HDAC9: variants seen among roughly 807,000 people sequenced by gnomAD.
HDAC9 encodes the protein histone deacetylase 9.
In HDAC9, 41 loss-of-function variants were observed where a neutral mutation model predicts 139.4. The observed-to-expected ratio is 0.29, with a 90% CI of 0.23 to 0.38. HDAC9 has a LOEUF of 0.38. HDAC9 is among the 10% of genes least tolerant of loss of function. The pLI is 1.00. For missense variants in HDAC9, 1,147 were observed against 1,297.0 expected, an observed-to-expected ratio of 0.88 and a Z score of 1.78; for synonymous variants, 517 against 476.2, an observed-to-expected ratio of 1.09 and a Z score of -1.12.
intron 1 of HDAC9, among the ~76,000 whole-genome samples, chr7:18,347,557 C>G (rs1187202579): frequency 6.6e-6 from 1 of 152,068 alleles, no homozygotes; most frequent in Non-Finnish European, 1.5e-5. Flanking sequence ...GATCTTAGAC[C>G]AAGTTGATAA....
intron 22 of HDAC9, among the ~76,000 whole-genome samples, chr7:18,904,716 C>T (rs571426610): frequency 6.6e-6 from 1 of 150,926 alleles, no homozygotes; most frequent in African/African-American, 2.4e-5. Context: ...GCTGGGACTA[C>T]AGGCAACCGC....
At chr7:18,229,288 C>T (rs953380557) in intron 2 of HDAC9, among the ~76,000 whole-genome samples, 1 of 152,158 alleles carries the variant, frequency 6.6e-6, no homozygotes, top group Non-Finnish European at 1.5e-5. Flanking sequence ...GGTGTGGTAA[C>T]GATCCATTTA....
chr7:18,401,682 T>G (rs1787556997), intron 1 of HDAC9, among the ~76,000 whole-genome samples: 1 of 152,200 alleles, frequency 6.6e-6, no homozygotes, highest in Non-Finnish European at 1.5e-5. Flanking sequence ...CTTAAATGCA[T>G]GAGCTTTCAA....
chr7:18,207,653 TAC>T (rs575317080), intron 2 of HDAC9, among the ~76,000 whole-genome samples: 100 of 149,626 alleles, frequency 6.7e-4, no homozygotes, highest in African/African-American at 1.6e-3. Flanking sequence ...TGTGCATGCA[TAC>T]ACACACACAC....
chr7:18,585,546 G>A (rs1458832854), intron 3 of HDAC9, 24 bp downstream of exon 3: 1 of 1,609,972 alleles, frequency 6.2e-7, no homozygotes, highest in Middle Eastern at 1.7e-4. Context: ...CTTTGTCTGT[G>A]ACCTTACTCA....
At chr7:18,455,319 C>T (rs115361436) in intron 1 of HDAC9, among the ~76,000 whole-genome samples, 2 of 151,896 alleles carry the variant, frequency 1.3e-5, no homozygotes, top group Admixed American at 6.6e-5. Flanking sequence ...ATCCTGTAAA[C>T]CTTTTACTGG....
chr7:18,954,943 G>A (rs907461290), intron 24 of HDAC9, among the ~76,000 whole-genome samples: 2 of 152,094 alleles, frequency 1.3e-5, no homozygotes, highest in Admixed American at 1.3e-4. Flanking sequence ...TTGTTCAGTA[G>A]CAATTTGGAG....
At chr7:18,351,853 C>T (rs1370628555) in intron 1 of HDAC9, among the ~76,000 whole-genome samples, 2 of 152,128 alleles carry the variant, frequency 1.3e-5, no homozygotes, top group Non-Finnish European at 1.5e-5. Flanking sequence ...CAGGTTATTA[C>T]AATTTTATCA....
At chr7:18,879,907 A>C (rs563398934) in intron 22 of HDAC9, among the ~76,000 whole-genome samples, 19 of 152,272 alleles carry the variant, frequency 1.2e-4, no homozygotes, top group Non-Finnish European at 2.1e-4. Flanking sequence ...TTTGCAAACT[A>C]TGCATCTGAC....
At chr7:18,257,094 G>C (rs1795298913) in intron 2 of HDAC9, among the ~76,000 whole-genome samples, 1 of 144,584 alleles carries the variant, frequency 6.9e-6, no homozygotes, top group East Asian at 2.1e-4. Context: ...GTCTCAAATT[G>C]TGTATGTGTG....
intron 22 of HDAC9, among the ~76,000 whole-genome samples, chr7:18,924,079 T>C (rs1182249331): frequency 4.0e-5 from 6 of 151,742 alleles, no homozygotes. Flanking sequence ...TGGCCATGTT[T>C]GTACTGCGGA....
chr7:18,240,178 C>A (rs1794097207), intron 2 of HDAC9, among the ~76,000 whole-genome samples: 1 of 152,124 alleles, frequency 6.6e-6, no homozygotes, highest in African/African-American at 2.4e-5. Flanking sequence ...AGATTTATAA[C>A]TGCAAATACT....
intron 13 of HDAC9, among the ~76,000 whole-genome samples, chr7:18,736,592 T>C (rs545276337): frequency 6.6e-6 from 1 of 152,226 alleles, no homozygotes; most frequent in African/African-American, 2.4e-5. Flanking sequence ...GCTGACTTGA[T>C]CGTGGTGGAT....
At chr7:18,460,253 G>T (rs76187973) in intron 1 of HDAC9, among the ~76,000 whole-genome samples, 2 of 152,046 alleles carry the variant, frequency 1.3e-5, no homozygotes, top group Non-Finnish European at 2.9e-5. Flanking sequence ...TCACCATACT[G>T]ATGATAATTT....
rs1786460886 is a variant in HDAC9 at position 18,996,319 on chromosome 7, T to C, written c.*257T>C. 2.5e-6 allele frequency: 1 copy of C among 392,734 alleles called. No individual in the cohort carries two copies. Among genetic ancestry groups the C allele is most frequent in the East Asian group, 5.1e-5 (1 of 19,682 alleles). The allele number at this position is 392,734 out of a possible 1,614,324, so 24.3% of individuals were successfully genotyped here. A position where few individuals can be genotyped will look rare whatever the true frequency, so the allele number is the denominator to read the frequency against. ...CGATTGGAAGAAACTGCTTCCAGCA[T>C]GCTTTTAATATGCTGGGTGACCCAC... On this transcript the variant is annotated 3_prime_UTR_variant, in exon 26 of 26. Coordinates refer to ENST00000686413, the MANE Select transcript of HDAC9 (RefSeq NM_178425.4).
chr7:18,333,267 AAAT>A (rs948791824), intron 1 of HDAC9, among the ~76,000 whole-genome samples: 3 of 151,484 alleles, frequency 2.0e-5, no homozygotes, highest in Non-Finnish European at 4.4e-5. Flanking sequence ...TGGAGAGAGG[AAAT>A]GGGGAGATTT....
At chr7:18,570,234 A>G (rs1823823640) in intron 2 of HDAC9, among the ~76,000 whole-genome samples, 1 of 152,196 alleles carries the variant, frequency 6.6e-6, no homozygotes, top group South Asian at 2.1e-4. Flanking sequence ...AGAATTTTGT[A>G]TAGCTAAAAG....
intron 1 of HDAC9, among the ~76,000 whole-genome samples, chr7:18,126,216 T>A (rs1435472750): frequency 3.3e-5 from 5 of 152,232 alleles, no homozygotes; most frequent in Non-Finnish European, 7.3e-5. Flanking sequence ...ACATTTAGCA[T>A]TCTTATAGCC....
At chr7:18,196,679 A>G (rs1297997187) in intron 2 of HDAC9, among the ~76,000 whole-genome samples, 1 of 152,152 alleles carries the variant, frequency 6.6e-6, no homozygotes, top group Non-Finnish European at 1.5e-5. Flanking sequence ...TAGAACAGGG[A>G]TGGTAAGATA....
Sources: allele counts gnomAD v4.1 joint callset (sites outside exome capture counted in the v4.1 genomes callset), GRCh38; gene constraint gnomAD v4.1.1; transcripts MANE v1.5; gene names NCBI Gene and HGNC (gene_info 2026-07-23, HGNC 2026-07-21).